Variants in SLC16A12 observed in about 807,000 individuals in gnomAD.
SLC16A12 encodes monocarboxylate transporter 12.
SLC16A12 carries 17 observed loss-of-function variants against 42.4 expected under a neutral mutation model. The ratio of observed to expected loss-of-function variants is 0.40; its 90% CI spans 0.27 to 0.60. SLC16A12 has a LOEUF of 0.60. Among genes scored for constraint, SLC16A12 ranks in the 20% least tolerant of loss-of-function variants. The pLI is 0.42. For missense variants in SLC16A12, 544 were observed against 623.0 expected, an observed-to-expected ratio of 0.87 and a Z score of 1.35; for synonymous variants, 224 against 229.4, an observed-to-expected ratio of 0.98 and a Z score of 0.21.
At chr10:89,507,157 G>A (rs1177936371) in intron 2 of SLC16A12, among the ~76,000 whole-genome samples, 3 of 152,086 alleles carry the variant, frequency 2.0e-5, no homozygotes, top group Non-Finnish European at 1.5e-5. Context: ...CACTCTTCAG[G>A]ATATTATCCA....
intron 2 of SLC16A12, among the ~76,000 whole-genome samples, chr10:89,476,171 C>T (rs303200): frequency 0.51 from 76,969 of 151,940 alleles, 19,779 homozygotes; most frequent in Non-Finnish European, 0.54. Flanking sequence ...AGTATGGCAT[C>T]ATTAAGTCAG....
intron 7 of SLC16A12, among the ~76,000 whole-genome samples, chr10:89,435,265 C>T (rs950174162): frequency 1.3e-5 from 2 of 152,116 alleles, no homozygotes; most frequent in African/African-American, 4.8e-5. Context: ...ATCTAAAAAC[C>T]ATATTCATTA....
At chr10:89,491,543 G>A (rs544996217) in intron 2 of SLC16A12, among the ~76,000 whole-genome samples, 1 of 149,640 alleles carries the variant, frequency 6.7e-6, no homozygotes, top group South Asian at 2.1e-4. Context: ...CAGAAAGCTG[G>A]GAAAGAAAAA....
chr10:89,527,482 C>CA (rs200275580), intron 2 of SLC16A12, among the ~76,000 whole-genome samples: 14,954 of 142,430 alleles, frequency 0.1, 1,007 homozygotes, highest in East Asian at 0.33. Context: ...GACTCCACCT[C>CA]AAAAAAAAAA....
chr10:89,533,554 C>T (rs984340218), intron 2 of SLC16A12, among the ~76,000 whole-genome samples: 1 of 152,080 alleles, frequency 6.6e-6, no homozygotes, highest in Non-Finnish European at 1.5e-5. Context: ...ATATAAAACA[C>T]TTCAACACTA....
At chr10:89,491,513 T>G (rs556221848) in intron 2 of SLC16A12, among the ~76,000 whole-genome samples, 39 of 152,174 alleles carry the variant, frequency 2.6e-4, no homozygotes, top group South Asian at 2.1e-3. Flanking sequence ...AGAGGAGTTT[T>G]TTTTTTTTTA....
chr10:89,454,900 T>C (rs1842161285), intron 3 of SLC16A12, among the ~76,000 whole-genome samples: 1 of 152,060 alleles, frequency 6.6e-6, no homozygotes, highest in Admixed American at 6.6e-5. Context: ...ATCCCAAATA[T>C]CTAGTATAGT....
intron 6 of SLC16A12, among the ~76,000 whole-genome samples, chr10:89,437,563 C>G (rs555733379): frequency 2.0e-5 from 3 of 150,488 alleles, no homozygotes; most frequent in South Asian, 4.2e-4. Context: ...CTCCATTAGA[C>G]CTACACCTGG....
At chr10:89,445,274 T>C (rs1841981428) in intron 3 of SLC16A12, among the ~76,000 whole-genome samples, 1 of 152,220 alleles carries the variant, frequency 6.6e-6, no homozygotes, top group African/African-American at 2.4e-5. Context: ...ACAGACTGCC[T>C]CCTCAAGTGG....
intron 2 of SLC16A12, among the ~76,000 whole-genome samples, chr10:89,478,081 T>A (rs1275297259): frequency 6.6e-6 from 1 of 152,168 alleles, no homozygotes; most frequent in African/African-American, 2.4e-5. Flanking sequence ...AACAGTTACA[T>A]CAAGTAGAAC....
At chr10:89,479,627 T>C (rs949116886) in intron 2 of SLC16A12, among the ~76,000 whole-genome samples, 1 of 152,224 alleles carries the variant, frequency 6.6e-6, no homozygotes, top group African/African-American at 2.4e-5. Flanking sequence ...GTATTGGTCC[T>C]TTCAAATCCC....
At chr10:89,542,653 C>A (rs372495283) in intron 2 of SLC16A12, among the ~76,000 whole-genome samples, 1 of 152,118 alleles carries the variant, frequency 6.6e-6, no homozygotes, top group Non-Finnish European at 1.5e-5. Context: ...TCACTGATCT[C>A]CAGACTCATC....
intron 2 of SLC16A12, among the ~76,000 whole-genome samples, chr10:89,480,748 C>T (rs1018437139): frequency 2.0e-5 from 3 of 152,086 alleles, no homozygotes; most frequent in East Asian, 1.9e-4. Flanking sequence ...CTTCATCTTT[C>T]CAAGTCAATT....
chr10:89,446,363 T>G (rs1842001822), intron 3 of SLC16A12, among the ~76,000 whole-genome samples: 1 of 152,104 alleles, frequency 6.6e-6, no homozygotes, highest in African/African-American at 2.4e-5. Context: ...GAGAGAAAGG[T>G]CGGGTTACCC....
chr10:89,505,573 T>C (rs772885084), intron 2 of SLC16A12, among the ~76,000 whole-genome samples: 2 of 151,856 alleles, frequency 1.3e-5, no homozygotes, highest in African/African-American at 2.4e-5. Flanking sequence ...CTGGGACTGA[T>C]TGGACAGTGG....
rs540422741 is a variant in SLC16A12, at chr10:89,444,176, G to T, written c.201-317C>A. Reference sequence around the variant, plus strand: ...TGTATTTTGCTAACTTCTTCTGAGAGGTTATTATACAAATTAAGATTTGAC... The same window carrying T: ...TGTATTTTGCTAACTTCTTCTGAGATGTTATTATACAAATTAAGATTTGAC... On this transcript the variant is annotated intron_variant, in intron 3 of 7. Coordinates refer to ENST00000371790, the MANE Select transcript of SLC16A12 (RefSeq NM_213606.4). Among the ~76,000 whole-genome samples the T allele has an allele frequency of 2.7e-3, 404 of 152,220 alleles. 2 individuals are homozygous for T. Among genetic ancestry groups the T allele is most frequent in the African/African-American group, 9.4e-3 (391 of 41,534 alleles).
At chr10:89,520,080 TCCAGTCTCGGTG>T (rs970293265) in intron 2 of SLC16A12, among the ~76,000 whole-genome samples, 8 of 148,878 alleles carry the variant, frequency 5.4e-5, no homozygotes, top group African/African-American at 1.7e-4. Context: ...GCCACTACAC[TCCAGTCTCGGTG>T]ACAGAGCAAG....
In SLC16A12 at chr10:89,470,577, G is replaced by T. The variant is rs1351330981; in HGVS notation, c.-46-7953C>A. Among the ~76,000 whole-genome samples, 2 of 152,216 alleles carry T rather than the reference G, an allele frequency of 1.3e-5. 1 individual carries two copies. Among genetic ancestry groups the T allele is most frequent in the Non-Finnish European group, 2.9e-5 (2 of 68,044 alleles). ...GACATGGAAGATAGGTGAGATAAGAGCCAGGGCCATGGCAAAGGGAAGAGG... is the reference window on the plus strand; with the variant it reads ...GACATGGAAGATAGGTGAGATAAGATCCAGGGCCATGGCAAAGGGAAGAGG... On this transcript the variant is annotated intron_variant, in intron 2 of 7. Coordinates refer to ENST00000371790, the MANE Select transcript of SLC16A12 (RefSeq NM_213606.4).
At chr10:89,530,928 C>T (rs928183906) in intron 2 of SLC16A12, among the ~76,000 whole-genome samples, 1 of 152,086 alleles carries the variant, frequency 6.6e-6, no homozygotes, top group Admixed American at 6.6e-5. Context: ...AACATGTGGT[C>T]TTTGTATCTG....
Sources: gnomAD v4.1 joint callset for allele counts (sites outside exome capture counted in the v4.1 genomes callset) on GRCh38, gnomAD v4.1.1 for gene constraint, MANE v1.5 for transcripts, NCBI Gene and HGNC (gene_info 2026-07-23, HGNC 2026-07-21) for gene names.